Variants in NUP35 observed in about 807,000 individuals in gnomAD.
NUP35 encodes nucleoporin 35, also known as nucleoporin NUP35.
In NUP35, 25 loss-of-function variants were observed where a neutral mutation model predicts 41.5. The observed-to-expected ratio is 0.60, with a 90% CI of 0.44 to 0.84. NUP35 has a LOEUF of 0.84. NUP35 is among the 40% of genes least tolerant of loss of function. The pLI, the probability that NUP35 is intolerant of heterozygous loss-of-function variation, is 0.00. For synonymous variants in NUP35, 149 were observed against 130.7 expected, an observed-to-expected ratio of 1.14 and a Z score of -0.96; for missense variants, 396 against 396.6, an observed-to-expected ratio of 1.00 and a Z score of 0.01.
intron 8 of NUP35, chr2:183,160,161 A>G (rs984761548): frequency 6.5e-6 from 1 of 153,992 alleles, no homozygotes; most frequent in African/African-American, 2.4e-5. Context: ...CATTCAGTAT[A>G]TTATTGTCTC....
At chr2:183,150,147 C>T (rs946845381) in intron 4 of NUP35, among the ~76,000 whole-genome samples, 12 of 152,148 alleles carry the variant, frequency 7.9e-5, no homozygotes, top group African/African-American at 1.7e-4. Context: ...CGTCATGATC[C>T]GCTCGCCTTG....
At chr2:183,128,071 CAGAA>C (rs1684560398) in intron 1 of NUP35, among the ~76,000 whole-genome samples, 1 of 127,904 alleles carries the variant, frequency 7.8e-6, no homozygotes, top group African/African-American at 3.0e-5. Flanking sequence ...GACTCGGACT[CAGAA>C]AAAAAAAAAA....
chr2:183,156,813 C>G lies in NUP35; in HGVS notation c.540-631C>G, dbSNP rs191382850. Reference sequence around the variant, plus strand: ...ATTGAAAACAGCTTTATTGTTAAGACTATAAAAGAATAATATGTCATTGTA... The same window carrying G: ...ATTGAAAACAGCTTTATTGTTAAGAGTATAAAAGAATAATATGTCATTGTA... On this transcript the variant is annotated intron_variant, in intron 5 of 8. Coordinates refer to ENST00000295119, the MANE Select transcript of NUP35 (RefSeq NM_138285.5). Among the ~76,000 whole-genome samples the G allele has an allele frequency of 9.9e-3, 1,502 of 151,900 alleles. 31 individuals carry two copies. The highest frequency in any genetic ancestry group is 0.035 in the African/African-American group (1,437 of 41,384).
At position 183,151,596 on chromosome 2, in the gene NUP35, A is replaced by G. The variant is rs1439944548; in HGVS notation, c.486A>G (p.Gly162=). 23 of 1,614,004 alleles carry G rather than the reference A, an allele frequency of 1.4e-5. No individual in the cohort carries two copies. Among genetic ancestry groups the G allele is most frequent in the Non-Finnish European group, 1.6e-5 (19 of 1,179,888 alleles). Residue 162 remains glycine (G), a synonymous_variant, in exon 5 of 9, where the codon GGA becomes GGG. Transcript: ENST00000295119. The stretch of plus-strand genomic sequence containing the variant: ...AGTTGGATCCTTTTTATACTCAAGG[A>G]GATTCTTTGACTTCAGAAGATCACC... The part of the protein sequence containing the change: ...PAQLDPFYTQ[G]DSLTSEDHLD...
chr2:183,127,007 C>A (rs1037484543), intron 1 of NUP35, among the ~76,000 whole-genome samples: 1 of 151,650 alleles, frequency 6.6e-6, no homozygotes, highest in African/African-American at 2.4e-5. Context: ...GCTATACTTG[C>A]TATAATTCTA....
At chr2:183,140,589 A>G (rs752864315) in intron 4 of NUP35, among the ~76,000 whole-genome samples, 19 of 152,178 alleles carry the variant, frequency 1.2e-4, no homozygotes, top group Non-Finnish European at 2.4e-4. Flanking sequence ...TGGGAGGCCA[A>G]GGCGGGTAGA....
chr2:183,126,735 G>A (rs1413352738), intron 1 of NUP35, among the ~76,000 whole-genome samples: 3 of 151,400 alleles, frequency 2.0e-5, no homozygotes, highest in Admixed American at 6.6e-5. Context: ...GGCAGCTTTC[G>A]GATATTAAGA....
intron 4 of NUP35, among the ~76,000 whole-genome samples, chr2:183,147,915 A>AT (rs35434258): frequency 0.058 from 8,431 of 145,784 alleles, 319 homozygotes; most frequent in South Asian, 0.17. Flanking sequence ...AGGTATTTTA[A>AT]TTTTTTTTTT....
At chr2:183,123,822 C>A (rs1700102804), upstream of NUP35, 1 of 984,994 alleles carries the variant, frequency 1.0e-6, no homozygotes, top group African/African-American at 1.7e-5. Context: ...GTGGAGGGTT[C>A]GTGGGTGCGT....
At chr2:183,158,497 G>A in intron 7 of NUP35, 86 bp downstream of exon 7, 1 of 1,201,234 alleles carries the variant, frequency 8.3e-7, no homozygotes, top group Non-Finnish European at 1.1e-6. Context: ...TGTGTCACTT[G>A]GTTTCACTGT....
intron 4 of NUP35, among the ~76,000 whole-genome samples, chr2:183,145,323 G>A (rs547545182): frequency 6.6e-6 from 1 of 152,194 alleles, no homozygotes; most frequent in East Asian, 1.9e-4. Context: ...AAGAGTTTCA[G>A]ATTTTGGAAT....
In NUP35 at chr2:183,124,482, C is replaced by T. The variant is rs1700119031; in HGVS notation, c.25C>T (p.Gln9Ter). Residue 9 changes from glutamine (Q) to a stop codon, truncating the protein, a stop_gained, in exon 1 of 9, where the codon CAG (glutamine) becomes TAG (stop). Coordinates refer to ENST00000295119, the MANE Select transcript of NUP35 (RefSeq NM_138285.5). LOFTEE classifies it high-confidence loss of function. ...AATGGCAGCCTTTGCAGTGGAACCT[C>T]AGGGGCCCGCGTTAGGTGAGTGAAA... is the stretch of plus-strand genomic sequence containing the variant. MAAFAVEP[Q>*]GPALGSEPMM... 3.1e-6 allele frequency: 5 copies of T among 1,614,198 alleles called. No homozygotes were observed. The highest frequency in any genetic ancestry group is 4.2e-6 in the Non-Finnish European group (5 of 1,180,022).
At chr2:183,124,591 C>T in intron 1 of NUP35, 94 bp downstream of exon 1, 2 of 1,515,888 alleles carry the variant, frequency 1.3e-6, no homozygotes, top group Non-Finnish European at 1.8e-6. Flanking sequence ...AGGCTCTCGT[C>T]TGCTGGTTTC....
At chr2:183,151,874 A>G (rs1046579741) in intron 5 of NUP35, among the ~76,000 whole-genome samples, 5 of 152,160 alleles carry the variant, frequency 3.3e-5, no homozygotes, top group South Asian at 2.1e-4. Context: ...ACATCAATAC[A>G]TATTACCCTG....
chr2:183,159,177 T>A (rs1685779301), intron 7 of NUP35, among the ~76,000 whole-genome samples: 1 of 152,160 alleles, frequency 6.6e-6, no homozygotes, highest in East Asian at 1.9e-4. Context: ...TTCTTTCCAA[T>A]CCAGGTTTCC....
chr2:183,133,686 C>CG, intron 4 of NUP35, 63 bp downstream of exon 4: 4 of 1,185,314 alleles, frequency 3.4e-6, no homozygotes, highest in Non-Finnish European at 4.7e-6. Context: ...GCTACCCACG[C>CG]TGGAGTGCAG....
chr2:183,149,214 G>A (rs1005946467), intron 4 of NUP35, among the ~76,000 whole-genome samples: 1 of 152,018 alleles, frequency 6.6e-6, no homozygotes, highest in African/African-American at 2.4e-5. Context: ...TCTTAGTTTT[G>A]TAGTTTTTAC....
chr2:183,118,244 AG>A (rs1360888958), intron 1 of NUP35: 1 of 152,232 alleles, frequency 6.6e-6, no homozygotes, highest in Non-Finnish European at 1.5e-5. Context: ...TCAGAATAGA[AG>A]GTAGAGAAAA....
intron 4 of NUP35, among the ~76,000 whole-genome samples, chr2:183,140,177 G>T (rs994599104): frequency 1.1e-4 from 17 of 152,092 alleles, no homozygotes; most frequent in Non-Finnish European, 1.9e-4. Flanking sequence ...GGCCTCAGTG[G>T]ACTAAAATCA....
Sources: gnomAD v4.1 joint callset for allele counts (sites outside exome capture counted in the v4.1 genomes callset) on GRCh38, gnomAD v4.1.1 for gene constraint, MANE v1.5 for transcripts, NCBI Gene and HGNC (gene_info 2026-07-23, HGNC 2026-07-21) for gene names.